SORCS2: variants seen among roughly 807,000 people sequenced by gnomAD.
SORCS2 encodes VPS10 domain-containing receptor SorCS2.
Under a neutral mutation model 141.6 loss-of-function variants are expected in SORCS2, and 100 were observed. The ratio of observed to expected loss-of-function variants is 0.71; its 90% CI spans 0.60 to 0.83. The LOEUF is 0.83. Among genes scored for constraint, SORCS2 ranks in the 40% least tolerant of loss-of-function variants. SORCS2 has a pLI of 0.00. For synonymous variants in SORCS2, 789 were observed against 676.9 expected (o/e 1.17, Z -2.57); for missense variants, 1,646 against 1,560.2 (o/e 1.05, Z -0.93).
chr4:7,733,252 C>G (rs1230220011), intron 23 of SORCS2, 70 bp from the exon 24 acceptor site: 1 of 1,220,990 alleles, frequency 8.2e-7, no homozygotes, highest in Non-Finnish European at 1.1e-6. Context: ...GAGGAGGACC[C>G]CATCCCCCTT....
rs540370432 is a variant in SORCS2, at chr4:7,324,430, G to A, written c.481-71858G>A. 5.3e-5 allele frequency among the ~76,000 whole-genome samples: 8 copies of A among 152,304 alleles called. No individual in the cohort carries two copies. In the East Asian group the frequency reaches 7.7e-4, roughly 15 times the overall value. ...TGCAGCTCCAACTGGGCAACAGGCC[G>A]GGGAAGGGACCGTCTGCCGGCGTCA... On this transcript the variant is annotated intron_variant, in intron 1 of 26. Coordinates refer to ENST00000507866, the MANE Select transcript of SORCS2 (RefSeq NM_020777.3).
At chr4:7,350,353 T>A (rs137915691) in intron 1 of SORCS2, among the ~76,000 whole-genome samples, 162 of 152,358 alleles carry the variant, frequency 1.1e-3, no homozygotes, top group African/African-American at 3.8e-3. Context: ...TTATGAACCA[T>A]GTTAAATCAT....
chr4:7,315,162 C>T (rs995196205), intron 1 of SORCS2, among the ~76,000 whole-genome samples: 2 of 152,160 alleles, frequency 1.3e-5, no homozygotes, highest in Non-Finnish European at 2.9e-5. Flanking sequence ...TAGCTCTCCC[C>T]TCCACTGTGG....
intron 1 of SORCS2, among the ~76,000 whole-genome samples, chr4:7,395,088 A>G (rs994424195): frequency 2.1e-5 from 3 of 140,694 alleles, no homozygotes; most frequent in Admixed American, 2.1e-4. Flanking sequence ...GGCATAGCCA[A>G]TCTGGCCTTG....
intron 1 of SORCS2, among the ~76,000 whole-genome samples, chr4:7,388,819 C>G (rs1031546998): frequency 2.0e-5 from 3 of 152,184 alleles, no homozygotes; most frequent in Non-Finnish European, 2.9e-5. Context: ...CCGGGGCTGC[C>G]TTGAGTGGTG....
chr4:7,307,704 A>G (rs866360447), intron 1 of SORCS2, among the ~76,000 whole-genome samples: 16 of 152,244 alleles, frequency 1.1e-4, no homozygotes, highest in Admixed American at 2.0e-4. Flanking sequence ...CAGGGCTTCA[A>G]TGGGGTCCAC....
chr4:7,534,177 G>T (rs1711905996), intron 3 of SORCS2, among the ~76,000 whole-genome samples: 1 of 152,244 alleles, frequency 6.6e-6, no homozygotes. Context: ...GAATGAATGA[G>T]TGAATGAATG....
intron 2 of SORCS2, among the ~76,000 whole-genome samples, chr4:7,443,725 G>A (rs923509174): frequency 6.6e-6 from 1 of 152,228 alleles, no homozygotes; most frequent in Non-Finnish European, 1.5e-5. Context: ...CCTTCTTTCC[G>A]AGGCCTCAGC....
Position 7,636,390 on chromosome 4 carries a change from T to C in SORCS2, c.649-1938T>C, listed in dbSNP as rs564298145. On this transcript the variant is annotated intron_variant, in intron 3 of 26. Coordinates refer to ENST00000507866, the MANE Select transcript of SORCS2 (RefSeq NM_020777.3). ...ATGAGGGAATGAATGAATGAGTGAA[T>C]GAATGAATTAATGAAGGAACGAACG... Among the ~76,000 whole-genome samples, 5 of 152,306 alleles carry C rather than the reference T, an allele frequency of 3.3e-5. No individual in the cohort carries two copies. The East Asian group carries it at 7.7e-4, about 24-fold the overall frequency.
intron 21 of SORCS2, among the ~76,000 whole-genome samples, chr4:7,727,615 G>C (rs568895546): frequency 6.6e-6 from 1 of 152,326 alleles, no homozygotes; most frequent in East Asian, 1.9e-4. Flanking sequence ...GCTGCCCTTG[G>C]CTATTCTTCA....
At chr4:7,227,300 C>T (rs1016395531) in intron 1 of SORCS2, among the ~76,000 whole-genome samples, 32 of 152,350 alleles carry the variant, frequency 2.1e-4, no homozygotes, top group Admixed American at 1.4e-3. Flanking sequence ...GTGTTTCCCT[C>T]GCATCTGTGC....
chr4:7,222,429 T>A (rs1728763146), intron 1 of SORCS2, among the ~76,000 whole-genome samples: 1 of 152,074 alleles, frequency 6.6e-6, no homozygotes, highest in South Asian at 2.1e-4. Context: ...ATGTCTAGAA[T>A]AGAGACAGCC....
At chr4:7,292,617 G>T (rs947486484) in intron 1 of SORCS2, among the ~76,000 whole-genome samples, 1 of 152,238 alleles carries the variant, frequency 6.6e-6, no homozygotes, top group Non-Finnish European at 1.5e-5. Flanking sequence ...GTTAAAGGGA[G>T]AGAAGACCTG....
intron 2 of SORCS2, among the ~76,000 whole-genome samples, chr4:7,436,650 G>A (rs976188035): frequency 3.9e-5 from 6 of 152,204 alleles, no homozygotes; most frequent in African/African-American, 1.2e-4. Context: ...CTGTAGAGCC[G>A]ACATTGTCGT....
intron 1 of SORCS2, among the ~76,000 whole-genome samples, chr4:7,232,538 C>T (rs1011135841): frequency 6.6e-6 from 1 of 152,212 alleles, no homozygotes; most frequent in African/African-American, 2.4e-5. Flanking sequence ...GACCCAAGCT[C>T]TTAATTCGCT....
intron 1 of SORCS2, among the ~76,000 whole-genome samples, chr4:7,215,992 G>A (rs1269819204): frequency 6.6e-6 from 1 of 151,906 alleles, no homozygotes; most frequent in East Asian, 1.9e-4. Flanking sequence ...TCCACACTGT[G>A]GAAGCTTTGT....
chr4:7,373,051 G>T (rs955152887), intron 1 of SORCS2, among the ~76,000 whole-genome samples: 3 of 145,712 alleles, frequency 2.1e-5, no homozygotes, highest in African/African-American at 7.6e-5. Flanking sequence ...TGCTCTGAAT[G>T]TTTGTGTGCA....
intron 1 of SORCS2, among the ~76,000 whole-genome samples, chr4:7,254,857 C>T (rs937652497): frequency 2.0e-5 from 3 of 152,050 alleles, no homozygotes; most frequent in Non-Finnish European, 4.4e-5. Context: ...ATGCACACAG[C>T]CCCCGGGGAC....
intron 1 of SORCS2, among the ~76,000 whole-genome samples, chr4:7,298,285 C>T (rs1297461838): frequency 2.0e-5 from 3 of 152,152 alleles, no homozygotes; most frequent in African/African-American, 4.8e-5. Flanking sequence ...GAGGGCAAGG[C>T]ACCCCAGCAG....
Sources: allele counts gnomAD v4.1 joint callset (sites outside exome capture counted in the v4.1 genomes callset), GRCh38; gene constraint gnomAD v4.1.1; transcripts MANE v1.5; gene names NCBI Gene and HGNC (gene_info 2026-07-23, HGNC 2026-07-21).